Variants in HPCAL1 observed in about 807,000 individuals in gnomAD.
HPCAL1 encodes the protein hippocalcin-like protein 1.
A neutral mutation model predicts 17.1 loss-of-function variants in HPCAL1; 8 were observed. That is an observed-to-expected ratio of 0.47 (90% CI 0.27 to 0.84). HPCAL1 has a LOEUF of 0.84. HPCAL1 is among the 40% of genes least tolerant of loss of function. The pLI, the probability that HPCAL1 is intolerant of heterozygous loss-of-function variation, is 0.13. For missense variants in HPCAL1, 165 were observed against 271.1 expected, an observed-to-expected ratio of 0.61 and a Z score of 2.75; for synonymous variants, 112 against 111.4, an observed-to-expected ratio of 1.01 and a Z score of -0.03.
At chr2:10,409,981 G>A (rs957378138) in intron 2 of HPCAL1, among the ~76,000 whole-genome samples, 10 of 151,836 alleles carry the variant, frequency 6.6e-5, no homozygotes, top group African/African-American at 1.5e-4. Flanking sequence ...TAGTAGGGAC[G>A]GTTTCACCAT....
rs1668931232 is a variant in HPCAL1 at position 10,395,094 on chromosome 2, G to A, written c.-110-1741G>A. 6.8e-6 allele frequency among the ~76,000 whole-genome samples: 1 copy of A among 147,610 alleles called. No homozygotes were observed. Among genetic ancestry groups the A allele is most frequent in the African/African-American group, 2.5e-5 (1 of 39,412 alleles). ...TTACAGGCGTGAACAATGGTGTCCA[G>A]CCTAAAATCTATCTTTAAAACACAC... On this transcript the variant is annotated intron_variant, in intron 1 of 4. Coordinates refer to ENST00000307845, the MANE Select transcript of HPCAL1 (RefSeq NM_002149.4). The surrounding 1 kb of genome is among the most constrained non-coding windows in gnomAD (Gnocchi z 4.4).
At chr2:10,326,844 C>T (rs1173687620) in intron 1 of HPCAL1, among the ~76,000 whole-genome samples, 1 of 152,134 alleles carries the variant, frequency 6.6e-6, no homozygotes, top group Non-Finnish European at 1.5e-5. Flanking sequence ...TGCCGAGGCT[C>T]CCGTTTGGCA....
intron 1 of HPCAL1, among the ~76,000 whole-genome samples, chr2:10,380,796 T>C (rs1667894632): frequency 6.6e-6 from 1 of 152,208 alleles, no homozygotes; most frequent in African/African-American, 2.4e-5. Context: ...CACTCACCTA[T>C]GGCACATATC....
intron 1 of HPCAL1, among the ~76,000 whole-genome samples, chr2:10,375,044 G>C (rs1333869572): frequency 6.6e-6 from 1 of 152,172 alleles, no homozygotes; most frequent in Non-Finnish European, 1.5e-5. Flanking sequence ...GGGAGCTGAA[G>C]ACCTCTCCCA....
intron 1 of HPCAL1, chr2:10,369,258 A>G (rs1311079978): frequency 1.3e-5 from 2 of 152,188 alleles, no homozygotes; most frequent in Non-Finnish European, 1.5e-5. Flanking sequence ...CTGTGCCCCC[A>G]TCTTGCCTCT....
At chr2:10,358,094 C>T (rs1666288975) in intron 1 of HPCAL1, among the ~76,000 whole-genome samples, 1 of 152,234 alleles carries the variant, frequency 6.6e-6, no homozygotes, top group South Asian at 2.1e-4. Context: ...GGAGGAGTTG[C>T]TGGAAGAAGG....
rs200006222 is a variant in HPCAL1, at chr2:10,303,986, CT to C, written c.-111+818del. ...GGATTAGCGTCTCCTGTTTAAAATC[CT>C]TTTTTTTTCCCCTTTATCGTGGGTG... On this transcript the variant is annotated intron_variant, in intron 1 of 4. Coordinates refer to ENST00000307845, the MANE Select transcript of HPCAL1 (RefSeq NM_002149.4). The C allele has an allele frequency of 3.3e-3, 505 of 151,752 alleles. 1 individual carries two copies. The highest frequency in any genetic ancestry group is 6.9e-3 in the Middle Eastern group (2 of 290). The allele number at this position is 151,752 out of a possible 1,614,324, so 9.4% of individuals were successfully genotyped here. A position where few individuals can be genotyped will look rare whatever the true frequency, so the allele number is the denominator to read the frequency against.
At position 10,387,167 on chromosome 2, in the gene HPCAL1, C is replaced by T. The variant is rs146930848; in HGVS notation, c.-110-9668C>T. 8.2e-4 allele frequency among the ~76,000 whole-genome samples: 125 copies of T among 152,324 alleles called. 1 individual carries two copies. The highest frequency in any genetic ancestry group is 2.9e-3 in the African/African-American group (120 of 41,570). On this transcript the variant is annotated intron_variant, in intron 1 of 4. Transcript: ENST00000307845. ...GCAGTCAAGGGCTCCTGAGGGGACC[C>T]GTAAGTGCCACATTCAGCCTTCTGT...
chr2:10,376,465 G>T (rs748098666), intron 1 of HPCAL1, among the ~76,000 whole-genome samples: 2 of 150,782 alleles, frequency 1.3e-5, no homozygotes, highest in African/African-American at 4.9e-5. Flanking sequence ...TTTGAGATTG[G>T]GTCTCACTCA....
chr2:10,364,731 G>C (rs1308529223), intron 1 of HPCAL1, among the ~76,000 whole-genome samples: 2 of 152,108 alleles, frequency 1.3e-5, no homozygotes, highest in Non-Finnish European at 2.9e-5. Context: ...GACTACAGGT[G>C]CATGCCCCCA....
intron 2 of HPCAL1, among the ~76,000 whole-genome samples, chr2:10,410,436 C>CTTTTTTTTTTTTTTTTTTTTTTTTTTTTT (rs36002921): frequency 1.3e-5 from 1 of 77,496 alleles, no homozygotes; most frequent in African/African-American, 5.0e-5. Context: ...TCTTCTTCTT[C>CTTTTTTTTTTTTTTTTTTTTTTTTTTTTT]TTTTTTTTTT....
rs868674763 is a variant in HPCAL1 at position 10,339,183 on chromosome 2, C to T, written c.-111+36006C>T. The stretch of plus-strand genomic sequence containing the variant: ...AAAAATTTTTTTTGAGATAGGGTCT[C>T]GCTGTGTCACCCAGACTGGAGGGCA... On this transcript the variant is annotated intron_variant, in intron 1 of 4. Transcript: ENST00000307845. Among the ~76,000 whole-genome samples, 13 of 152,272 alleles carry T rather than the reference C, an allele frequency of 8.5e-5. 1 individual carries two copies. Among genetic ancestry groups the T allele is most frequent in the South Asian group, 6.2e-4 (3 of 4,824 alleles).
At chr2:10,404,149 G>A (rs116291202) in intron 2 of HPCAL1, among the ~76,000 whole-genome samples, 2 of 152,114 alleles carry the variant, frequency 1.3e-5, no homozygotes, top group Non-Finnish European at 2.9e-5. Flanking sequence ...CTTGCTGGTG[G>A]TGGTCTCCCC....
chr2:10,369,003 C>T (rs1667041021), intron 1 of HPCAL1: 1 of 152,220 alleles, frequency 6.6e-6, no homozygotes, highest in Non-Finnish European at 1.5e-5. Flanking sequence ...AAGCACATCT[C>T]CCAAGCTGGC....
At chr2:10,322,581 G>T (rs565227561) in intron 1 of HPCAL1, among the ~76,000 whole-genome samples, 1 of 152,210 alleles carries the variant, frequency 6.6e-6, no homozygotes, top group Non-Finnish European at 1.5e-5. Context: ...GCTGCGAGGG[G>T]TTTCCCTTTC....
intron 4 of HPCAL1, chr2:10,424,196 A>G (rs73170040): frequency 0.014 from 4,282 of 307,188 alleles, 173 homozygotes; most frequent in African/African-American, 0.088. Context: ...CCCTCGGGTG[A>G]GTTAAGCATG....
chr2:10,303,507 G>T (rs1572593059), intron 1 of HPCAL1, among the ~76,000 whole-genome samples: 1 of 152,158 alleles, frequency 6.6e-6, no homozygotes, highest in Non-Finnish European at 1.5e-5. Context: ...GCAGCTGTGC[G>T]CAGAGCGGGG....
intron 1 of HPCAL1, among the ~76,000 whole-genome samples, chr2:10,317,961 C>T (rs1404018995): frequency 6.6e-6 from 1 of 152,176 alleles, no homozygotes; most frequent in Non-Finnish European, 1.5e-5. Context: ...GGGCACATGC[C>T]TTGTTGGATG....
chr2:10,419,574 G>C lies in HPCAL1; in HGVS notation c.-24-160G>C, dbSNP rs2148030642. 6.6e-6 allele frequency among the ~76,000 whole-genome samples: 1 copy of C among 152,138 alleles called. No homozygotes were observed. The highest frequency in any genetic ancestry group is 2.4e-5 in the African/African-American group (1 of 41,488). ...ATAATTAGAGTCTCTTGGCCTTCTTGGTGGTCCATAAGATAGCGGCATGCC... is the reference window on the plus strand; with the variant it reads ...ATAATTAGAGTCTCTTGGCCTTCTTCGTGGTCCATAAGATAGCGGCATGCC... On this transcript the variant is annotated intron_variant, in intron 2 of 4. Transcript: ENST00000307845. This position sits in a 1 kb window ranked among gnomAD's most constrained non-coding sequence, Gnocchi z 5.0.
Sources: gnomAD v4.1 joint callset for allele counts (sites outside exome capture counted in the v4.1 genomes callset) on GRCh38, gnomAD v4.1.1 for gene constraint, Gnocchi (gnomAD v3.1) non-coding constraint, MANE v1.5 for transcripts, NCBI Gene and HGNC (gene_info 2026-07-23, HGNC 2026-07-21) for gene names.